Variants in ARFGEF1 observed in about 807,000 individuals in gnomAD.
The protein encoded by ARFGEF1 is brefeldin A-inhibited guanine nucleotide-exchange protein 1.
Under a neutral mutation model 231.0 loss-of-function variants are expected in ARFGEF1, and 42 were observed. The ratio of observed to expected loss-of-function variants is 0.18; its 90% CI spans 0.14 to 0.24. The LOEUF is 0.24. Ranked by LOEUF, ARFGEF1 falls within the 10% of genes least tolerant of loss-of-function variation. ARFGEF1 has a pLI of 1.00. For missense variants in ARFGEF1, 1,345 were observed against 2,192.0 expected, an observed-to-expected ratio of 0.61 and a Z score of 7.72; for synonymous variants, 710 against 732.3, an observed-to-expected ratio of 0.97 and a Z score of 0.49.
chr8:67,296,474 G>A lies in ARFGEF1; in HGVS notation c.596C>T (p.Thr199Ile). 1 of 1,613,988 alleles carries A rather than the reference G, an allele frequency of 6.2e-7. No homozygotes were observed. The highest frequency in any genetic ancestry group is 8.5e-7 in the Non-Finnish European group (1 of 1,179,954). The change falls in exon 5 of 39, where the codon ACT becomes ATT. Residue 199 changes from threonine to isoleucine, a missense_variant. Physicochemically the swap from Thr to Ile is moderately conservative, Grantham distance 89. Coordinates refer to ENST00000262215, the MANE Select transcript of ARFGEF1 (RefSeq NM_006421.5). Reference protein sequence around the residue: ...INQTTAKATLTQMLNVIFARM... With the variant: ...INQTTAKATLIQMLNVIFARM... ...TGCAAAGATAACATTTAGCATCTGAGTGAGAGTAGCTTTGGCTGTTGTCTG... is the reference window on the plus strand; with the variant it reads ...TGCAAAGATAACATTTAGCATCTGAATGAGAGTAGCTTTGGCTGTTGTCTG...
chr8:67,214,148 G>A (rs1838844320), intron 33 of ARFGEF1, among the ~76,000 whole-genome samples: 1 of 152,210 alleles, frequency 6.6e-6, no homozygotes, highest in Non-Finnish European at 1.5e-5. Context: ...CAATGTGTGA[G>A]AGAAAGCATC....
At chr8:67,309,638 C>T (rs1023504475) in intron 1 of ARFGEF1, among the ~76,000 whole-genome samples, 12 of 152,082 alleles carry the variant, frequency 7.9e-5, no homozygotes, top group African/African-American at 2.9e-4. Context: ...AGTTTTTAAA[C>T]AATTTAACTG....
At chr8:67,261,793 C>T (rs569083134) in intron 14 of ARFGEF1, among the ~76,000 whole-genome samples, 3 of 151,758 alleles carry the variant, frequency 2.0e-5, no homozygotes, top group East Asian at 3.9e-4. Flanking sequence ...CATGAGCCAC[C>T]GTGCCCTTTC....
chr8:67,303,427 T>C (rs946399007), intron 1 of ARFGEF1, among the ~76,000 whole-genome samples: 4 of 152,124 alleles, frequency 2.6e-5, no homozygotes, highest in African/African-American at 7.2e-5. Flanking sequence ...TTAAATTTAA[T>C]TGGCTGAGCA....
At chr8:67,190,622 C>T in intron 5 of ARFGEF1, 3 of 1,524,064 alleles carry the variant, frequency 2.0e-6, no homozygotes, top group Non-Finnish European at 2.7e-6. Flanking sequence ...AGTATTAAGA[C>T]TCCTTCTGCT....
intron 1 of ARFGEF1, among the ~76,000 whole-genome samples, chr8:67,304,043 G>C (rs1806625104): frequency 6.6e-6 from 1 of 152,112 alleles, no homozygotes; most frequent in Admixed American, 6.6e-5. Flanking sequence ...TACAGATTCT[G>C]GTTTATTAAC....
chr8:67,273,513 C>T (rs1345870240), intron 9 of ARFGEF1, among the ~76,000 whole-genome samples: 1 of 150,684 alleles, frequency 6.6e-6, no homozygotes, highest in Non-Finnish European at 1.5e-5. Context: ...TGATTTCCAC[C>T]TGAAAAATTT....
At chr8:67,225,956 A>C in intron 28 of ARFGEF1, 67 bp downstream of exon 28, 1 of 1,446,580 alleles carries the variant, frequency 6.9e-7, no homozygotes, top group Admixed American at 2.4e-5. Flanking sequence ...TCAATTCCCA[A>C]ACAAACTTAA....
At chr8:67,203,316 C>T (rs1178921786) in intron 35 of ARFGEF1, 65 bp from the exon 36 acceptor site, 2 of 1,542,982 alleles carry the variant, frequency 1.3e-6, no homozygotes, top group Admixed American at 1.8e-5. Context: ...ATTTACAACT[C>T]AATGCTCCCC....
intron 5 of ARFGEF1, among the ~76,000 whole-genome samples, chr8:67,192,523 G>T (rs995894791): frequency 2.6e-5 from 4 of 152,070 alleles, no homozygotes; most frequent in African/African-American, 9.7e-5. Context: ...GTTCTTTGAA[G>T]CACAGAAGTT....
Position 67,257,765 on chromosome 8 carries a change from A to G in ARFGEF1, c.2493T>C (p.Ile831=). The change falls in exon 17 of 39, where the codon ATT becomes ATC. Residue 831 remains isoleucine (I), a synonymous_variant. Transcript: ENST00000262215. ...TGTGAAGGTCTGTGGTCAACATGAT[A>G]ATTGAATAAGCCAAAACATAAGCTG... ...ADTAYVLAYS[I]IMLTTDLHSP... is the part of the protein sequence containing the mutation. The G allele has an allele frequency of 6.2e-7, 1 of 1,609,840 alleles. No individual in the cohort carries two copies.
Position 67,299,189 on chromosome 8 carries a change from T to G in ARFGEF1, c.459+20A>C. 6.6e-7 allele frequency: 1 copy of G among 1,508,196 alleles called. No individual in the cohort carries two copies. Among genetic ancestry groups the G allele is most frequent in the Non-Finnish European group, 8.8e-7 (1 of 1,132,036 alleles). The allele number at this position is 1,508,196 out of a possible 1,614,324, so 93.4% of individuals were successfully genotyped here. ...AAGATACAGATTATTAATAACAATT[T>G]TACTTTATATAATAATTACCTTTAT... On this transcript the variant is annotated intron_variant, in intron 4 of 38. Coordinates refer to ENST00000262215, the MANE Select transcript of ARFGEF1 (RefSeq NM_006421.5).
intron 1 of ARFGEF1, among the ~76,000 whole-genome samples, chr8:67,304,817 T>A (rs945410292): frequency 1.3e-5 from 2 of 152,182 alleles, no homozygotes; most frequent in African/African-American, 4.8e-5. Context: ...AGACTCTGTG[T>A]CAAAAATAAA....
chr8:67,327,981 A>T (rs1807917521), intron 1 of ARFGEF1, among the ~76,000 whole-genome samples: 3 of 152,230 alleles, frequency 2.0e-5, no homozygotes, highest in Non-Finnish European at 2.9e-5. Context: ...ATATCTTTGT[A>T]ACACATTTCT....
rs1838330492 is a variant in ARFGEF1 at position 67,201,613 on chromosome 8, A to G, written c.5129-8T>C. 1.9e-6 allele frequency: 3 copies of G among 1,613,018 alleles called. No individual in the cohort carries two copies. The highest frequency in any genetic ancestry group is 2.5e-6 in the Non-Finnish European group (3 of 1,179,780). ...TGGATTTGCCTTTGAATCCTGCAGA[A>G]AAGGGAAGTTTCTGGGATTAGTTTG... On this transcript the variant is annotated splice_region_variant and splice_polypyrimidine_tract_variant and intron_variant, in intron 36 of 38. Transcript: ENST00000262215.
chr8:67,203,047 A>G, intron 36 of ARFGEF1, 36 bp downstream of exon 36: 1 of 1,590,008 alleles, frequency 6.3e-7, no homozygotes, highest in Non-Finnish European at 8.6e-7. Flanking sequence ...ACATCCATCA[A>G]CAGTAAACAT....
chr8:67,190,572 T>C, intron 5 of ARFGEF1: 1 of 1,056,462 alleles, frequency 9.5e-7, no homozygotes, highest in Non-Finnish European at 1.5e-6. Flanking sequence ...ATCTTAGTAA[T>C]TAAAAGGCTC....
chr8:67,277,407 T>A lies in ARFGEF1; in HGVS notation c.1078A>T (p.Thr360Ser), dbSNP rs1805357356. ...INASADGNIG[T>S]IEDGSDSENI... ...TCACTGTCACTACCATCCTCTATAGTTCCAATGTTGCCATCTGCACTTGCA... is the reference window on the plus strand; with the variant it reads ...TCACTGTCACTACCATCCTCTATAGATCCAATGTTGCCATCTGCACTTGCA... The change falls in exon 8 of 39, where the codon ACT (threonine) becomes TCT (serine). Residue 360 changes from threonine (T) to serine (S), a missense_variant. Coordinates refer to ENST00000262215, the MANE Select transcript of ARFGEF1 (RefSeq NM_006421.5). The A allele has an allele frequency of 6.2e-7, 1 of 1,613,678 alleles. No homozygotes were observed. Among genetic ancestry groups the A allele is most frequent in the African/African-American group, 1.3e-5 (1 of 74,898 alleles).
chr8:67,200,844 T>C (rs1328435211), intron 37 of ARFGEF1, among the ~76,000 whole-genome samples: 1 of 152,168 alleles, frequency 6.6e-6, no homozygotes, highest in South Asian at 2.1e-4. Flanking sequence ...AGGCGACTCC[T>C]CTCTTCACTG....
Sources: gnomAD v4.1 joint callset for allele counts (sites outside exome capture counted in the v4.1 genomes callset) on GRCh38, gnomAD v4.1.1 for gene constraint, MANE v1.5 for transcripts, NCBI Gene and HGNC (gene_info 2026-07-23, HGNC 2026-07-21) for gene names.